Variants in MASP2 observed in about 807,000 individuals in gnomAD.
MASP2 encodes the protein mannan-binding lectin serine protease 2.
Under a neutral mutation model 57.1 loss-of-function variants are expected in MASP2, and 49 were observed. The observed-to-expected ratio is 0.86, with a 90% CI of 0.68 to 1.09. The LOEUF (loss-of-function observed/expected upper bound fraction) is 1.09. Among genes scored for constraint, MASP2 ranks in the 50% least tolerant of loss-of-function variants. The probability of loss-of-function intolerance (pLI) is 0.00; values close to 1 mark genes in which losing one functional copy is unlikely to be tolerated. For missense variants in MASP2, 900 were observed against 874.8 expected (o/e 1.03, Z -0.36); for synonymous variants, 379 against 340.8 (o/e 1.11, Z -1.24).
chr1:11,042,849 C>T (rs1309750115), intron 6 of MASP2, 26 bp downstream of exon 6: 1 of 1,611,970 alleles, frequency 6.2e-7, no homozygotes, highest in Admixed American at 1.7e-5. Flanking sequence ...GCGCTTCCAG[C>T]CAAGATCTGA....
chr1:11,026,754 A>G lies in MASP2; in HGVS notation c.*131T>C. ...GAGAAATGACAGCAGCCTCACCTGG[A>G]GTCTGTTTTTTTGGGTGGAGCAACA... On this transcript the variant is annotated 3_prime_UTR_variant, in exon 11 of 11. Coordinates refer to ENST00000400897, the MANE Select transcript of MASP2 (RefSeq NM_006610.4). 1.5e-6 allele frequency: 1 copy of G among 653,696 alleles called. No homozygotes were observed. The highest frequency in any genetic ancestry group is 2.4e-6 in the Non-Finnish European group (1 of 420,782). 40.5% of individuals were successfully genotyped at this position (653,696 alleles called of 1,614,324 possible).
At chr1:11,031,877 C>T (rs1643851978) in intron 8 of MASP2, among the ~76,000 whole-genome samples, 1 of 152,088 alleles carries the variant, frequency 6.6e-6, no homozygotes, top group Admixed American at 6.6e-5. Flanking sequence ...CACACCACTG[C>T]ACTACCGCCT....
At chr1:11,034,453 T>A (rs1462901496) in intron 8 of MASP2, among the ~76,000 whole-genome samples, 1 of 147,762 alleles carries the variant, frequency 6.8e-6, no homozygotes, top group South Asian at 2.1e-4. Flanking sequence ...ATCTTAGCAC[T>A]TTGGGAGGCT....
Position 11,047,195 on chromosome 1 carries a change from C to G in MASP2, c.5+8G>C, listed in dbSNP as rs1402516466. The G allele has an allele frequency of 2.6e-6, 4 of 1,561,984 alleles. No homozygotes were observed. The Admixed American group carries it at 7.4e-5, about 29-fold the overall frequency. On this transcript the variant is annotated splice_region_variant and intron_variant, in intron 1 of 10. Transcript: ENST00000400897. ...CACCCTGCAGGGAGGCTGTGGGCGC[C>G]CACCTACCTCATGGTGTGCCCGTCC...
Position 11,027,312 on chromosome 1 carries a change from T to C in MASP2, c.1634A>G (p.Asn545Ser), listed in dbSNP as rs1170938715. ...LIKLNNKVVI[N>S]SNITPICLPR... ...CAGACAAATAGGCGTGATGTTGCTA[T>C]TGATTACAACTTTGTTATTCAATTT... Residue 545 changes from asparagine to serine, a missense_variant, in exon 11 of 11, where the codon AAT becomes AGT. By Grantham distance (46) the Asn-to-Ser change is conservative (BLOSUM62 1). Coordinates refer to ENST00000400897, the MANE Select transcript of MASP2 (RefSeq NM_006610.4). The C allele has an allele frequency of 6.2e-7, 1 of 1,614,056 alleles. No homozygotes were observed. Among genetic ancestry groups the C allele is most frequent in the South Asian group, 1.1e-5 (1 of 91,078 alleles).
chr1:11,045,841 G>A (rs1638622507), intron 3 of MASP2: 1 of 447,710 alleles, frequency 2.2e-6, no homozygotes, highest in Non-Finnish European at 4.1e-6. Flanking sequence ...GGGCTACAGC[G>A]CTGAACCCTT....
At chr1:11,031,899 A>C (rs1216758287) in intron 8 of MASP2, among the ~76,000 whole-genome samples, 1 of 152,008 alleles carries the variant, frequency 6.6e-6, no homozygotes, top group African/African-American at 2.4e-5. Flanking sequence ...GGTGATAGAG[A>C]CTTTGTCTCC....
chr1:11,029,985 C>T (rs1643814826), intron 10 of MASP2, 191 bp downstream of exon 10: 3 of 492,196 alleles, frequency 6.1e-6, no homozygotes, highest in Non-Finnish European at 1.1e-5. Flanking sequence ...ATGACTGATG[C>T]AGTCAGCACC....
rs376909147 is a variant in MASP2 at position 11,027,616 on chromosome 1, G to T, written c.1330C>A (p.Arg444Ser). 1 of 1,613,650 alleles carries T rather than the reference G, an allele frequency of 6.2e-7. No individual in the cohort carries two copies. Among genetic ancestry groups the T allele is most frequent in the South Asian group, 1.1e-5 (1 of 91,028 alleles). ...CGLSARTTGGRIYGGQKAKPG... is the reference protein window; with the variant it reads ...CGLSARTTGGSIYGGQKAKPG... Reference sequence around the variant, plus strand: ...TTTGCCTTTTGCCCTCCATATATACGCCCTCCTGTTGTGCGGGCTGATAGT... The same window carrying T: ...TTTGCCTTTTGCCCTCCATATATACTCCCTCCTGTTGTGCGGGCTGATAGT... The change falls in exon 11 of 11, where the codon CGT becomes AGT. Residue 444 changes from arginine (R) to serine (S), a missense_variant. Physicochemically the swap from Arg to Ser is moderately radical, Grantham distance 110 (BLOSUM62 -1). Transcript: ENST00000400897.
intron 8 of MASP2, among the ~76,000 whole-genome samples, chr1:11,034,428 T>A (rs1474356580): frequency 4.8e-5 from 7 of 146,060 alleles, no homozygotes; most frequent in African/African-American, 1.8e-4. Context: ...CCGGGCACAG[T>A]GGCTCACGCC....
At chr1:11,029,024 G>A (rs544929710) in intron 10 of MASP2, among the ~76,000 whole-genome samples, 14 of 144,508 alleles carry the variant, frequency 9.7e-5, no homozygotes, top group African/African-American at 3.3e-4. Context: ...ACAGAGTCTC[G>A]CTCTGTTGCC....
intron 8 of MASP2, among the ~76,000 whole-genome samples, chr1:11,031,460 C>T (rs1404069903): frequency 3.1e-5 from 4 of 129,744 alleles, no homozygotes; most frequent in Admixed American, 9.3e-5. Flanking sequence ...ACCCGGGAGG[C>T]GGAGCTTGCA....
rs183998926 is a variant in MASP2, at chr1:11,026,714, T to G, written c.*171A>C. 285 of 482,632 alleles carry G rather than the reference T, an allele frequency of 5.9e-4. 1 individual carries two copies. In the East Asian group the frequency reaches 8.1e-3, roughly 14 times the overall value. The allele number at this position is 482,632 out of a possible 1,614,324, so 29.9% of individuals were successfully genotyped here. A position where few individuals can be genotyped will look rare whatever the true frequency, so the allele number is the denominator to read the frequency against. ...CTTGAGTCAATGGGTAAGGCTGGAA[T>G]TAAACTGGCAAGTGGAGAAATGACA... On this transcript the variant is annotated 3_prime_UTR_variant, in exon 11 of 11. Transcript: ENST00000400897.
At chr1:11,043,771 G>C (rs990766897) in intron 4 of MASP2, among the ~76,000 whole-genome samples, 3 of 152,114 alleles carry the variant, frequency 2.0e-5, no homozygotes, top group Admixed American at 1.3e-4. Context: ...CTTGCTTTGA[G>C]GCTTTAGCTG....
At position 11,043,424 on chromosome 1, in the gene MASP2, T is replaced by TC. The variant is rs1472568326; in HGVS notation, c.655dup (p.Glu219GlyfsTer20). On this transcript the variant is annotated frameshift_variant, in exon 5 of 11. Coordinates refer to ENST00000400897, the MANE Select transcript of MASP2 (RefSeq NM_006610.4). LOFTEE classifies it high-confidence loss of function. Reference sequence around the variant, plus strand: ...AAAGTCCAGAATGACACTGAACCCCTCCTCCAGGCTGATGCTGTAAGTGCA... The same window carrying TC: ...AAAGTCCAGAATGACACTGAACCCCTCCCTCCAGGCTGATGCTGTAAGTGCA... The TC allele has an allele frequency of 5.0e-6, 8 of 1,610,750 alleles. No homozygotes were observed. The highest frequency in any genetic ancestry group is 1.7e-4 in the Middle Eastern group (1 of 6,054).
chr1:11,046,585 G>A lies in MASP2; in HGVS notation c.383C>T (p.Thr128Met), dbSNP rs141145402. 620 of 1,613,900 alleles carry A rather than the reference G, an allele frequency of 3.8e-4. 3 individuals carry two copies. Among genetic ancestry groups the A allele is most frequent in the African/African-American group, 1.1e-3 (80 of 75,070 alleles). ...GGCTGCATAGAAGGCCTCGAACCCC[G>A]TGAACGGCTTCTCGTTGGAGTAGTC... ...RSDYSNEKPF[T>M]GFEAFYAAED... The change falls in exon 3 of 11, where the codon ACG (threonine) becomes ATG (methionine). Residue 128 changes from threonine (T) to methionine (M), a missense_variant. Thr to Met is a moderately conservative substitution (Grantham distance 81). Coordinates refer to ENST00000400897, the MANE Select transcript of MASP2 (RefSeq NM_006610.4).
At chr1:11,046,337 G>A in intron 3 of MASP2, 1 of 604,708 alleles carries the variant, frequency 1.7e-6, no homozygotes. Context: ...TTGAGGCGAT[G>A]CTGTCCTCAG....
chr1:11,030,880 C>T lies in MASP2; in HGVS notation c.1090G>A (p.Val364Ile), dbSNP rs747631895. The T allele has an allele frequency of 1.2e-6, 2 of 1,612,120 alleles. No individual in the cohort carries two copies. The highest frequency in any genetic ancestry group is 1.1e-5 in the South Asian group (1 of 90,862). ...WDRPMPACSI[V>I]DCGPPDDLPS... is the part of the protein sequence containing the mutation. ...AGATCATCAGGAGGGCCACAGTCAA[C>T]AACTAAGAAAGAAGCATGGGAGGGA... is the stretch of plus-strand genomic sequence containing the variant. The change falls in exon 9 of 11, where the codon GTT (valine) becomes ATT (isoleucine). Residue 364 changes from valine to isoleucine, a missense_variant and splice_region_variant. Val to Ile is a conservative substitution (Grantham distance 29). Transcript: ENST00000400897.
chr1:11,035,310 G>C (rs372933008), intron 7 of MASP2, among the ~76,000 whole-genome samples: 153 of 152,246 alleles, frequency 1.0e-3, no homozygotes, highest in African/African-American at 3.5e-3. Context: ...GATCACTTGA[G>C]GTGAGGAGTT....
Sources: gnomAD v4.1 joint callset for allele counts (sites outside exome capture counted in the v4.1 genomes callset) on GRCh38, gnomAD v4.1.1 for gene constraint, MANE v1.5 for transcripts, NCBI Gene and HGNC (gene_info 2026-07-23, HGNC 2026-07-21) for gene names.